Variants in SHC3 observed in about 807,000 individuals in gnomAD.
SHC3 encodes the protein SHC-transforming protein 3.
In SHC3, 15 loss-of-function variants were observed where a neutral mutation model predicts 60.4. The ratio of observed to expected loss-of-function variants is 0.25; its 90% CI spans 0.17 to 0.38. The LOEUF is 0.38. Ranked by LOEUF, SHC3 falls within the 10% of genes least tolerant of loss-of-function variation. SHC3 has a pLI of 1.00. For synonymous variants in SHC3, 294 were observed against 325.9 expected (o/e 0.90, Z 1.05); for missense variants, 677 against 786.1 (o/e 0.86, Z 1.66).
In SHC3 at chr9:89,062,842, G is replaced by A. The variant is rs375444454; in HGVS notation, c.835+2687C>T. Reference sequence around the variant, plus strand: ...ATTAACCCCTGTACATGGCATAGGGGAGGAAGAAAGAAAACAGAGCAGTTG... The same window carrying A: ...ATTAACCCCTGTACATGGCATAGGGAAGGAAGAAAGAAAACAGAGCAGTTG... On this transcript the variant is annotated intron_variant, in intron 6 of 11. Transcript: ENST00000375835. Among the ~76,000 whole-genome samples, 17 of 152,300 alleles carry A rather than the reference G, an allele frequency of 1.1e-4. No individual in the cohort carries two copies. In the East Asian group the frequency reaches 2.3e-3, roughly 21 times the overall value.
At chr9:89,059,794 G>A (rs1446887992) in intron 6 of SHC3, among the ~76,000 whole-genome samples, 639 of 122,262 alleles carry the variant, frequency 5.2e-3, no homozygotes, top group East Asian at 7.0e-3. Flanking sequence ...GGTGGAGGAC[G>A]TTGTGGAGGA....
intron 6 of SHC3, among the ~76,000 whole-genome samples, chr9:89,064,719 T>C (rs1231853004): frequency 6.6e-6 from 1 of 152,054 alleles, no homozygotes; most frequent in East Asian, 1.9e-4. Context: ...TAAAAATATA[T>C]CCAAGGTATA....
intron 11 of SHC3, among the ~76,000 whole-genome samples, chr9:89,026,301 G>C (rs143376438): frequency 6.6e-6 from 1 of 150,672 alleles, no homozygotes; most frequent in East Asian, 2.0e-4. Flanking sequence ...AACATCTACA[G>C]TCTTTTCTCT....
chr9:89,047,467 A>T (rs1212923960), intron 7 of SHC3, among the ~76,000 whole-genome samples: 1 of 152,246 alleles, frequency 6.6e-6, no homozygotes, highest in Non-Finnish European at 1.5e-5. Context: ...TACAAACTAC[A>T]AAATGGGAGA....
chr9:89,040,060 T>TCACCAC (rs781590753), intron 10 of SHC3, among the ~76,000 whole-genome samples: 1 of 144,010 alleles, frequency 6.9e-6, no homozygotes, highest in Admixed American at 6.9e-5. Flanking sequence ...ATTATCACCA[T>TCACCAC]CACCACCACC....
intron 1 of SHC3, among the ~76,000 whole-genome samples, chr9:89,132,695 C>T (rs1587744972): frequency 1.3e-5 from 2 of 152,312 alleles, no homozygotes; most frequent in South Asian, 4.1e-4. Flanking sequence ...GCTGGGAAAA[C>T]TGGCTAGCCA....
chr9:89,041,698 A>G (rs756739668), intron 10 of SHC3, among the ~76,000 whole-genome samples: 5 of 152,258 alleles, frequency 3.3e-5, no homozygotes, highest in Non-Finnish European at 5.9e-5. Context: ...AGCAACTAAT[A>G]CAGTAGCTGG....
chr9:89,040,069 C>T (rs2117880987), intron 10 of SHC3, among the ~76,000 whole-genome samples: 1 of 145,812 alleles, frequency 6.9e-6, no homozygotes, highest in East Asian at 2.1e-4. Context: ...ATCACCACCA[C>T]CACCTTTGCC....
At chr9:89,130,240 A>G (rs1826224544) in intron 1 of SHC3, among the ~76,000 whole-genome samples, 1 of 152,230 alleles carries the variant, frequency 6.6e-6, no homozygotes. Context: ...CATGCACCCA[A>G]TACAGGAGCA....
intron 6 of SHC3, among the ~76,000 whole-genome samples, chr9:89,052,752 C>A (rs1360750439): frequency 6.6e-6 from 1 of 152,174 alleles, no homozygotes; most frequent in African/African-American, 2.4e-5. Context: ...TGTGACCATG[C>A]CAATAACATG....
chr9:89,145,702 A>T (rs958365369), intron 1 of SHC3, among the ~76,000 whole-genome samples: 14 of 152,332 alleles, frequency 9.2e-5, no homozygotes, highest in African/African-American at 2.9e-4. Flanking sequence ...GATTTTTTTT[A>T]AATAAATGAA....
intron 6 of SHC3, among the ~76,000 whole-genome samples, chr9:89,055,130 T>C (rs1441453925): frequency 6.6e-6 from 1 of 152,248 alleles, no homozygotes; most frequent in Non-Finnish European, 1.5e-5. Context: ...ATATGGTAGC[T>C]CCTGGCATGT....
intron 1 of SHC3, among the ~76,000 whole-genome samples, chr9:89,156,488 T>G (rs75021728): frequency 6.6e-6 from 1 of 152,294 alleles, no homozygotes; most frequent in South Asian, 2.1e-4. Flanking sequence ...ATAATTTTTT[T>G]AATCTTCGGT....
chr9:89,126,473 A>G (rs916010267), intron 1 of SHC3, among the ~76,000 whole-genome samples: 1 of 152,242 alleles, frequency 6.6e-6, no homozygotes, highest in Non-Finnish European at 1.5e-5. Flanking sequence ...GGGATTAAGC[A>G]TGTTCAAGAT....
At chr9:89,060,858 G>A (rs184486814) in intron 6 of SHC3, among the ~76,000 whole-genome samples, 154 of 152,200 alleles carry the variant, frequency 1.0e-3, no homozygotes, top group African/African-American at 3.3e-3. Context: ...AGGCTTTGCC[G>A]GCAGGTGCAG....
chr9:89,055,450 G>A (rs75733055), intron 6 of SHC3, among the ~76,000 whole-genome samples: 2,906 of 152,312 alleles, frequency 0.019, 74 homozygotes, highest in African/African-American at 0.067. Flanking sequence ...CAATCCCAAC[G>A]TCTCTGGCTG....
intron 1 of SHC3, among the ~76,000 whole-genome samples, chr9:89,164,895 C>T (rs1243550648): frequency 6.6e-6 from 1 of 152,104 alleles, no homozygotes; most frequent in African/African-American, 2.4e-5. Flanking sequence ...GATAACTGCA[C>T]TCAAAACCCC....
intron 2 of SHC3, 61 bp from the exon 3 acceptor site, chr9:89,077,964 A>G (rs750193362): frequency 1.6e-5 from 25 of 1,576,698 alleles, no homozygotes; most frequent in Non-Finnish European, 2.2e-5. Flanking sequence ...GAACCCAGAG[A>G]TGCTACACTT....
intron 5 of SHC3, among the ~76,000 whole-genome samples, chr9:89,066,661 C>A (rs996041907): frequency 1.3e-5 from 2 of 152,214 alleles, no homozygotes; most frequent in African/African-American, 2.4e-5. Context: ...AAGTCTACCT[C>A]ATTTTGGCAG....
Sources: allele counts gnomAD v4.1 joint callset (sites outside exome capture counted in the v4.1 genomes callset), GRCh38; gene constraint gnomAD v4.1.1; transcripts MANE v1.5; gene names NCBI Gene and HGNC (gene_info 2026-07-23, HGNC 2026-07-21).